The following CACNA2D3 variants were observed in gnomAD, a reference collection of about 807,000 sequenced individuals.
The protein encoded by CACNA2D3 is calcium voltage-gated channel auxiliary subunit alpha2delta 3, also known as voltage-dependent calcium channel subunit alpha-2/delta-3.
A neutral mutation model predicts 160.6 loss-of-function variants in CACNA2D3; 60 were observed. The observed-to-expected ratio is 0.37, with a 90% CI of 0.30 to 0.46. The LOEUF is 0.46. Among genes scored for constraint, CACNA2D3 ranks in the 20% least tolerant of loss-of-function variants. The pLI, the probability that CACNA2D3 is intolerant of heterozygous loss-of-function variation, is 1.00. For synonymous variants in CACNA2D3, 558 were observed against 492.9 expected, an observed-to-expected ratio of 1.13 and a Z score of -1.75; for missense variants, 1,205 against 1,365.0, an observed-to-expected ratio of 0.88 and a Z score of 1.85.
intron 11 of CACNA2D3, among the ~76,000 whole-genome samples, chr3:54,648,931 A>G (rs1415759874): frequency 6.6e-6 from 1 of 152,174 alleles, no homozygotes; most frequent in Non-Finnish European, 1.5e-5. Flanking sequence ...CACCAAGCCA[A>G]TCATGGAGGA....
intron 9 of CACNA2D3, among the ~76,000 whole-genome samples, chr3:54,586,697 CTCTA>C (rs1702768658): frequency 6.6e-6 from 1 of 152,166 alleles, no homozygotes. Context: ...TTATAGAGCA[CTCTA>C]TCTAAATAAC....
chr3:54,582,238 T>C (rs891987759), intron 9 of CACNA2D3, among the ~76,000 whole-genome samples: 1 of 152,196 alleles, frequency 6.6e-6, no homozygotes, highest in Non-Finnish European at 1.5e-5. Context: ...TTCTCACGAT[T>C]GATTAAATGG....
chr3:54,833,418 A>C (rs2106750415), intron 14 of CACNA2D3, among the ~76,000 whole-genome samples: 1 of 152,178 alleles, frequency 6.6e-6, no homozygotes, highest in East Asian at 1.9e-4. Flanking sequence ...TGTTGACTCT[A>C]CGTCTGCATT....
chr3:54,213,641 G>T (rs1339904548), intron 2 of CACNA2D3, among the ~76,000 whole-genome samples: 1 of 152,224 alleles, frequency 6.6e-6, no homozygotes, highest in East Asian at 1.9e-4. Context: ...GTTGCTGAAT[G>T]CAGGGATGAG....
chr3:54,585,250 A>G (rs1292252746), intron 9 of CACNA2D3, among the ~76,000 whole-genome samples: 1 of 152,222 alleles, frequency 6.6e-6, no homozygotes, highest in Non-Finnish European at 1.5e-5. Context: ...TGTGAAGGGT[A>G]AAGGGACCTA....
intron 2 of CACNA2D3, among the ~76,000 whole-genome samples, chr3:54,185,995 C>G (rs745794214): frequency 6.6e-6 from 1 of 152,204 alleles, no homozygotes; most frequent in East Asian, 1.9e-4. Flanking sequence ...CTCCCATCCT[C>G]CCCCAGATCT....
intron 11 of CACNA2D3, among the ~76,000 whole-genome samples, chr3:54,690,158 C>G (rs1489661628): frequency 3.3e-5 from 5 of 151,976 alleles, no homozygotes. Flanking sequence ...CCATGATGAC[C>G]CACCACGCCC....
At chr3:55,008,489 A>C (rs1242797789) in intron 33 of CACNA2D3, among the ~76,000 whole-genome samples, 1 of 152,188 alleles carries the variant, frequency 6.6e-6, no homozygotes, top group South Asian at 2.1e-4. Context: ...AAACTCTCTC[A>C]TTCTTATTTC....
At chr3:54,410,236 A>C (rs1389343011) in intron 4 of CACNA2D3, among the ~76,000 whole-genome samples, 2 of 152,046 alleles carry the variant, frequency 1.3e-5, no homozygotes, top group Non-Finnish European at 2.9e-5. Context: ...CATGTGTAAT[A>C]CCAGCTACTC....
chr3:54,666,766 T>G (rs1339222446), intron 11 of CACNA2D3, among the ~76,000 whole-genome samples: 1 of 152,200 alleles, frequency 6.6e-6, no homozygotes, highest in Non-Finnish European at 1.5e-5. Context: ...TCAGTCTTAT[T>G]TTGTGACATG....
intron 35 of CACNA2D3, among the ~76,000 whole-genome samples, chr3:55,034,336 T>C (rs1703767089): frequency 1.3e-5 from 2 of 152,102 alleles, no homozygotes; most frequent in South Asian, 4.1e-4. Flanking sequence ...GTTATTTATA[T>C]TTCCATCTCT....
intron 13 of CACNA2D3, among the ~76,000 whole-genome samples, chr3:54,808,245 G>C (rs978339588): frequency 6.6e-6 from 1 of 152,034 alleles, no homozygotes; most frequent in Non-Finnish European, 1.5e-5. Context: ...GAAAAATTCA[G>C]TTCACTCCAG....
intron 31 of CACNA2D3, among the ~76,000 whole-genome samples, chr3:54,989,665 A>G (rs1305386759): frequency 6.6e-6 from 1 of 152,252 alleles, no homozygotes; most frequent in African/African-American, 2.4e-5. Context: ...GGTTGCTGTC[A>G]GAGCTAGTGA....
intron 5 of CACNA2D3, among the ~76,000 whole-genome samples, chr3:54,548,886 T>C (rs1031637479): frequency 1.3e-5 from 2 of 152,196 alleles, no homozygotes; most frequent in Non-Finnish European, 2.9e-5. Context: ...AGAGCTGACC[T>C]CTCCTCCTAA....
At position 54,968,496 on chromosome 3, in the gene CACNA2D3, G is replaced by T; in HGVS notation, c.2496G>T (p.Trp832Cys). The change falls in exon 28 of 38, where the codon TGG (tryptophan) becomes TGT (cysteine). Residue 832 changes from tryptophan to cysteine, a missense_variant. Around this residue, in one of 3 missense-constraint regions of CACNA2D3, gnomAD observed 911 missense variants for 1,002.2 expected, o/e 0.91. Transcript: ENST00000474759. ...TTGAATTTTTCCAAAGGAAGTTCTG[G>T]ACTGCCAGCAGACAGGTAAGTTATA... ...MKLEFFQRKF[W>C]TASRQCASLD... The T allele has an allele frequency of 6.2e-7, 1 of 1,609,964 alleles. No individual in the cohort carries two copies. Among genetic ancestry groups the T allele is most frequent in the Middle Eastern group, 1.7e-4 (1 of 6,060 alleles).
chr3:54,572,639 G>T (rs189479882), intron 8 of CACNA2D3, among the ~76,000 whole-genome samples: 16 of 152,294 alleles, frequency 1.1e-4, no homozygotes, highest in Admixed American at 9.8e-4. Context: ...AAATTATATG[G>T]CCTTGAGGCA....
chr3:55,018,287 C>A lies in CACNA2D3; in HGVS notation c.2957C>A (p.Thr986Lys). 1 of 1,612,034 alleles carries A rather than the reference C, an allele frequency of 6.2e-7. No individual in the cohort carries two copies. The highest frequency in any genetic ancestry group is 8.5e-7 in the Non-Finnish European group (1 of 1,178,378). ...FVSERTIKET[T>K]GNIACEDCSK... ...TCTGAGCGCACCATCAAGGAGACTA[C>A]AGGGAATATTGCTTGTGAAGACTGC... is the stretch of plus-strand genomic sequence containing the variant. Residue 986 changes from threonine (T) to lysine (K), a missense_variant, in exon 35 of 38, where the codon ACA becomes AAA. Around this residue, in one of 3 missense-constraint regions of CACNA2D3, gnomAD observed 911 missense variants for 1,002.2 expected, o/e 0.91. Transcript: ENST00000474759.
At chr3:54,577,526 C>T (rs6773557) in intron 8 of CACNA2D3, among the ~76,000 whole-genome samples, 3,437 of 152,264 alleles carry the variant, frequency 0.023, 123 homozygotes, top group African/African-American at 0.078. Flanking sequence ...GTCACTTTGC[C>T]GTCACTGACA....
intron 9 of CACNA2D3, among the ~76,000 whole-genome samples, chr3:54,616,546 A>G (rs1698854023): frequency 6.6e-6 from 1 of 152,214 alleles, no homozygotes; most frequent in African/African-American, 2.4e-5. Context: ...GGTGTAATGT[A>G]AGAGGGCCCA....
Sources: gnomAD v4.1 joint callset for allele counts (sites outside exome capture counted in the v4.1 genomes callset) on GRCh38, gnomAD v4.1.1 for gene constraint, gnomAD v4.1.1 regional missense constraint, MANE v1.5 for transcripts, NCBI Gene and HGNC (gene_info 2026-07-23, HGNC 2026-07-21) for gene names.